PRKCH: variants seen among roughly 807,000 people sequenced by gnomAD.
PRKCH encodes the protein protein kinase C eta, also known as protein kinase C eta type.
In PRKCH, 28 loss-of-function variants were observed where a neutral mutation model predicts 82.5. The observed-to-expected ratio is 0.34, with a 90% confidence interval of 0.25 to 0.47. The LOEUF (loss-of-function observed/expected upper bound fraction) is 0.47. Among genes scored for constraint, PRKCH ranks in the 20% least tolerant of loss-of-function variants. The pLI is 1.00. For synonymous variants in PRKCH, 322 were observed against 327.4 expected, an observed-to-expected ratio of 0.98 and a Z score of 0.18; for missense variants, 705 against 881.8, an observed-to-expected ratio of 0.80 and a Z score of 2.54.
chr14:61,531,547 A>G (rs1160878650), intron 12 of PRKCH, among the ~76,000 whole-genome samples: 1 of 152,192 alleles, frequency 6.6e-6, no homozygotes, highest in Non-Finnish European at 1.5e-5. Flanking sequence ...CATTTCAGGG[A>G]CATTTTTTAT....
At chr14:61,347,599 G>A (rs1231192170) in intron 1 of PRKCH, among the ~76,000 whole-genome samples, 3 of 152,180 alleles carry the variant, frequency 2.0e-5, no homozygotes, top group South Asian at 2.1e-4. Context: ...GTAGTGGCCC[G>A]TATTAAGTAG....
Position 61,310,491 on chromosome 14 carries a change from C to T in PRKCH, c.-19+122823C>T, listed in dbSNP as rs111311088. 6.0e-3 allele frequency among the ~76,000 whole-genome samples: 916 copies of T among 152,320 alleles called. 6 individuals carry two copies. Among genetic ancestry groups the T allele is most frequent in the African/African-American group, 0.021 (886 of 41,584 alleles). ...CTCCTTTGACTCCATGTCTCACAGC[C>T]AGGGCACACTGATACAAAGAGTGGG... is the stretch of plus-strand genomic sequence containing the variant. On this transcript the variant is annotated intron_variant, in intron 1 of 3. Transcript: ENST00000555185.
intron 1 of PRKCH, among the ~76,000 whole-genome samples, chr14:61,369,366 C>G (rs112403307): frequency 0.013 from 1,988 of 152,178 alleles, 65 homozygotes; most frequent in South Asian, 0.059. Flanking sequence ...TTCTTTAGAC[C>G]TAAGGGCTTT....
intron 10 of PRKCH, among the ~76,000 whole-genome samples, chr14:61,489,675 AAAG>A (rs1459663453): frequency 2.0e-5 from 3 of 152,210 alleles, no homozygotes; most frequent in East Asian, 1.9e-4. Context: ...AAGGGGAAAA[AAAG>A]AAGACTATTC....
Position 61,403,133 on chromosome 14 carries a change from A to G in PRKCH, c.427+11845A>G, listed in dbSNP as rs1200339652. On this transcript the variant is annotated intron_variant, in intron 2 of 13. Coordinates refer to ENST00000332981, the MANE Select transcript of PRKCH (RefSeq NM_006255.5). Reference sequence around the variant, plus strand: ...GGGGGATGTTTGAAAATGTAGTTATATTTTATTAAAATGTGTATACTAACA... The same window carrying G: ...GGGGGATGTTTGAAAATGTAGTTATGTTTTATTAAAATGTGTATACTAACA... Among the ~76,000 whole-genome samples, 4 of 152,266 alleles carry G rather than the reference A, an allele frequency of 2.6e-5. No individual in the cohort carries two copies. The East Asian group carries it at 7.7e-4, about 29-fold the overall frequency.
chr14:61,469,473 C>T (rs1302734744), intron 9 of PRKCH, among the ~76,000 whole-genome samples: 5 of 152,304 alleles, frequency 3.3e-5, no homozygotes, highest in Middle Eastern at 3.4e-3. Context: ...AGCAGCCCCT[C>T]GGGTGTGGGC....
rs564877731 is a variant in PRKCH, at chr14:61,362,908, G to C, written c.364-28317G>C. Reference sequence around the variant, plus strand: ...TCAAATGATTGGTGTTGAACAGGGAGCTGGGAGATCATAGAAAACAGCCTC... The same window carrying C: ...TCAAATGATTGGTGTTGAACAGGGACCTGGGAGATCATAGAAAACAGCCTC... On this transcript the variant is annotated intron_variant, in intron 1 of 13. Transcript: ENST00000332981. Among the ~76,000 whole-genome samples the C allele has an allele frequency of 3.3e-5, 5 of 152,324 alleles. No individual in the cohort carries two copies. In the South Asian group the frequency reaches 1.0e-3, roughly 32 times the overall value.
At chr14:61,473,374 G>C (rs142843833) in intron 9 of PRKCH, among the ~76,000 whole-genome samples, 1 of 152,168 alleles carries the variant, frequency 6.6e-6, no homozygotes, top group Admixed American at 6.5e-5. Flanking sequence ...ATGTTAGAAG[G>C]CTCTCTCTGG....
At chr14:61,538,861 G>C (rs1326221851) in intron 12 of PRKCH, among the ~76,000 whole-genome samples, 1 of 152,202 alleles carries the variant, frequency 6.6e-6, no homozygotes, top group Non-Finnish European at 1.5e-5. Context: ...GATAAAGAAG[G>C]GTACTGGCCT....
intron 9 of PRKCH, among the ~76,000 whole-genome samples, chr14:61,474,250 A>T (rs1307338372): frequency 6.6e-6 from 1 of 152,166 alleles, no homozygotes; most frequent in African/African-American, 2.4e-5. Context: ...GGTTTTAAGA[A>T]CCTGTCTGAA....
At chr14:61,218,499 A>G (rs2044631258) in intron 1 of PRKCH, among the ~76,000 whole-genome samples, 1 of 152,222 alleles carries the variant, frequency 6.6e-6, no homozygotes, top group Non-Finnish European at 1.5e-5. Flanking sequence ...TTATGGGCAC[A>G]AATGTATGCT....
chr14:61,536,580 A>C (rs2043112345), intron 12 of PRKCH, among the ~76,000 whole-genome samples: 1 of 152,128 alleles, frequency 6.6e-6, no homozygotes, highest in Admixed American at 6.5e-5. Flanking sequence ...ATTCCCTCTT[A>C]CCTTTTTAAA....
chr14:61,523,095 A>C (rs958484529), intron 10 of PRKCH, among the ~76,000 whole-genome samples: 1 of 152,192 alleles, frequency 6.6e-6, no homozygotes, highest in Non-Finnish European at 1.5e-5. Flanking sequence ...CACTTGGCAG[A>C]TGCCCCCTTT....
chr14:61,279,248 T>G (rs188245392), intron 1 of PRKCH: 1 of 152,344 alleles, frequency 6.6e-6, no homozygotes, highest in Non-Finnish European at 1.5e-5. Flanking sequence ...CAACTCTGTA[T>G]GCCAACTAGT....
intron 1 of PRKCH, among the ~76,000 whole-genome samples, chr14:61,274,694 T>A (rs573024414): frequency 1.2e-4 from 18 of 152,306 alleles, no homozygotes; most frequent in African/African-American, 4.3e-4. Flanking sequence ...GATGCTATTC[T>A]TGGAAGGATG....
intron 12 of PRKCH, among the ~76,000 whole-genome samples, chr14:61,541,672 C>T (rs2043187671): frequency 6.6e-6 from 1 of 152,164 alleles, no homozygotes; most frequent in African/African-American, 2.4e-5. Context: ...AGACTAATTG[C>T]TTTATTTATA....
intron 2 of PRKCH, among the ~76,000 whole-genome samples, chr14:61,421,637 G>A (rs1483409625): frequency 6.6e-6 from 1 of 152,146 alleles, no homozygotes; most frequent in Admixed American, 6.5e-5. Flanking sequence ...TGTACTACTT[G>A]TAGGTACCTG....
rs201776358 is a variant in PRKCH, at chr14:61,454,089, CT to C, written c.960+746del. 5.7e-3 allele frequency among the ~76,000 whole-genome samples: 841 copies of C among 148,436 alleles called. 33 individuals carry two copies. In the East Asian group the frequency reaches 0.08, roughly 14 times the overall value. On this transcript the variant is annotated intron_variant, in intron 7 of 13. Transcript: ENST00000332981. ...AAGAAGGACTTTTTTCCTTTCTTTC[CT>C]TTTTTTTTTCTTTTTTCTTTTTTCT...
intron 1 of PRKCH, among the ~76,000 whole-genome samples, chr14:61,273,347 AT>A (rs575062330): frequency 3.9e-5 from 6 of 152,248 alleles, no homozygotes; most frequent in African/African-American, 1.4e-4. Context: ...TACTCCATTT[AT>A]TTTTTTCTTT....
Sources: allele counts gnomAD v4.1 joint callset (sites outside exome capture counted in the v4.1 genomes callset), GRCh38; gene constraint gnomAD v4.1.1; transcripts MANE v1.5; gene names NCBI Gene and HGNC (gene_info 2026-07-23, HGNC 2026-07-21).